Variants in ZDHHC13 observed in about 807,000 individuals in gnomAD.
ZDHHC13 encodes the protein zDHHC palmitoyltransferase 13.
Under a neutral mutation model 86.0 loss-of-function variants are expected in ZDHHC13, and 85 were observed. That is an observed-to-expected ratio of 0.99 (90% CI 0.83 to 1.18). The LOEUF (loss-of-function observed/expected upper bound fraction) is 1.18. Among genes scored for constraint, ZDHHC13 ranks in the 50% most tolerant of loss-of-function variants. The pLI, the probability that ZDHHC13 is intolerant of heterozygous loss-of-function variation, is 0.00. For synonymous variants in ZDHHC13, 263 were observed against 246.4 expected (o/e 1.07, Z -0.63); for missense variants, 711 against 730.2 (o/e 0.97, Z 0.30).
chr11:19,149,188 C>A lies in ZDHHC13; in HGVS notation c.376C>A (p.Gln126Lys). 1 of 1,548,838 alleles carries A rather than the reference C, an allele frequency of 6.5e-7. No homozygotes were observed. Among genetic ancestry groups the A allele is most frequent in the Admixed American group, 1.8e-5 (1 of 55,602 alleles). ...NSTPLHWAIR[Q>K]GHLPMVILLL... ...TGGCTTTTTGTCTTCTATTTGCAGA[C>A]AAGGACATTTACCTATGGTCATATT... Residue 126 changes from glutamine to lysine, a missense_variant and splice_region_variant, in exon 5 of 17, where the codon CAA (glutamine) becomes AAA (lysine). Coordinates refer to ENST00000446113, the MANE Select transcript of ZDHHC13 (RefSeq NM_019028.3).
intron 8 of ZDHHC13, among the ~76,000 whole-genome samples, chr11:19,154,166 C>T (rs187618331): frequency 1.3e-5 from 2 of 152,244 alleles, no homozygotes; most frequent in South Asian, 2.1e-4. Context: ...TCTTCCCCAG[C>T]TAGAATTTAA....
chr11:19,139,909 T>G (rs1849262035), intron 1 of ZDHHC13, among the ~76,000 whole-genome samples: 1 of 136,210 alleles, frequency 7.3e-6, no homozygotes, highest in Non-Finnish European at 1.6e-5. Flanking sequence ...TATACAAAAA[T>G]CAATTCAAGA....
chr11:19,172,897 C>G, intron 16 of ZDHHC13, 77 bp downstream of exon 16: 1 of 1,291,712 alleles, frequency 7.7e-7, no homozygotes, highest in South Asian at 1.5e-5. Context: ...GTGCCACTAC[C>G]CATGGCCATG....
intron 5 of ZDHHC13, among the ~76,000 whole-genome samples, chr11:19,150,505 T>C (rs1849579385): frequency 6.6e-6 from 1 of 152,174 alleles, no homozygotes; most frequent in Non-Finnish European, 1.5e-5. Flanking sequence ...TATAACACTT[T>C]ACATTATATA....
chr11:19,130,012 CAGG>C (rs1471411717), intron 1 of ZDHHC13, among the ~76,000 whole-genome samples: 2 of 151,952 alleles, frequency 1.3e-5, no homozygotes, highest in Non-Finnish European at 2.9e-5. Flanking sequence ...GGTGTGAACC[CAGG>C]AGGCAGAGCT....
At chr11:19,165,676 C>T (rs1850045497) in intron 13 of ZDHHC13, among the ~76,000 whole-genome samples, 1 of 152,226 alleles carries the variant, frequency 6.6e-6, no homozygotes, top group Non-Finnish European at 1.5e-5. Flanking sequence ...GGTTGCCACT[C>T]TTTGCATGTC....
At chr11:19,145,308 G>T (rs1039639364) in intron 2 of ZDHHC13, among the ~76,000 whole-genome samples, 2 of 151,906 alleles carry the variant, frequency 1.3e-5, no homozygotes, top group South Asian at 4.2e-4. Context: ...GGCTCTCATT[G>T]TCTCTCACCT....
chr11:19,131,080 G>A lies in ZDHHC13; in HGVS notation c.28-11898G>A, dbSNP rs193145983. 6.8e-3 allele frequency among the ~76,000 whole-genome samples: 1,034 copies of A among 151,974 alleles called. 7 individuals are homozygous for A. The highest frequency in any genetic ancestry group is 0.024 in the African/African-American group (975 of 41,448). On this transcript the variant is annotated intron_variant, in intron 1 of 16. Coordinates refer to ENST00000446113, the MANE Select transcript of ZDHHC13 (RefSeq NM_019028.3). ...CTCACCCAGGCTGGAGTGCAGTGGC[G>A]CGATCTCGGCTCACTGCAAGCTCCG...
In ZDHHC13 at chr11:19,135,226, G is replaced by A. The variant is rs572354651; in HGVS notation, c.28-7752G>A. 2.6e-3 allele frequency among the ~76,000 whole-genome samples: 392 copies of A among 152,342 alleles called. 7 individuals carry two copies. In the East Asian group the frequency reaches 0.027, roughly 11 times the overall value. ...GTCAGTGGGTGCACGCACGGTGTGC[G>A]AGCCGAAGCAGGGCGAGGCGTTGCC... On this transcript the variant is annotated intron_variant, in intron 1 of 16. Transcript: ENST00000446113.
At chr11:19,155,421 A>G (rs1226642171) in intron 8 of ZDHHC13, among the ~76,000 whole-genome samples, 1 of 152,084 alleles carries the variant, frequency 6.6e-6, no homozygotes, top group Non-Finnish European at 1.5e-5. Flanking sequence ...TCTCTACTAA[A>G]TATACAAAAA....
intron 1 of ZDHHC13, among the ~76,000 whole-genome samples, chr11:19,141,071 A>T (rs1590070677): frequency 6.6e-6 from 1 of 151,852 alleles, no homozygotes; most frequent in East Asian, 1.9e-4. Flanking sequence ...TAGTATAATA[A>T]TAAAAAAAAA....
chr11:19,169,602 A>G, intron 14 of ZDHHC13: 1 of 985,472 alleles, frequency 1.0e-6, no homozygotes, highest in South Asian at 4.7e-5. Context: ...TCTTTTAAAA[A>G]TAATTCACCC....
intron 1 of ZDHHC13, among the ~76,000 whole-genome samples, chr11:19,120,378 A>G (rs969190494): frequency 6.6e-5 from 10 of 152,328 alleles, no homozygotes; most frequent in African/African-American, 2.2e-4. Flanking sequence ...TTCAGTAGAG[A>G]CACCTACACG....
At chr11:19,127,101 TA>T (rs1344682838) in intron 1 of ZDHHC13, among the ~76,000 whole-genome samples, 4 of 152,292 alleles carry the variant, frequency 2.6e-5, no homozygotes, top group African/African-American at 9.6e-5. Context: ...TTTGTCTCTG[TA>T]ACCTTGCCAG....
chr11:19,169,247 T>C (rs2133477366), intron 14 of ZDHHC13: 1 of 985,436 alleles, frequency 1.0e-6, no homozygotes, highest in Non-Finnish European at 1.2e-6. Context: ...TTATATTCTT[T>C]TTTGTGATAT....
At chr11:19,123,902 A>G (rs577685414) in intron 1 of ZDHHC13, among the ~76,000 whole-genome samples, 1 of 152,310 alleles carries the variant, frequency 6.6e-6, no homozygotes, top group African/African-American at 2.4e-5. Flanking sequence ...GATAATATTC[A>G]GTTCTGGGAA....
chr11:19,170,562 CTT>C lies in ZDHHC13; in HGVS notation c.1628_1629del (p.Phe543SerfsTer11). 1.3e-6 allele frequency: 2 copies of C among 1,522,426 alleles called. No homozygotes were observed. Among genetic ancestry groups the C allele is most frequent in the Non-Finnish European group, 1.8e-6 (2 of 1,139,896 alleles). 94.3% of individuals were successfully genotyped at this position (1,522,426 alleles called of 1,614,324 possible). A position where few individuals can be genotyped will look rare whatever the true frequency, so the allele number is the denominator to read the frequency against. ...CAACATTTTTATTATTAAATCAACT[CTT>C]TCAGGTATTTATTTCTCTTCTTATA... ...WSTFLLLNQL[F>X]QIAFLGLTSH... is the part of the protein sequence containing the mutation. On this transcript the variant is annotated frameshift_variant, in exon 15 of 17. Transcript: ENST00000446113. LOFTEE classifies it high-confidence loss of function.
chr11:19,175,778 A>T, intron 16 of ZDHHC13, 44 bp from the exon 17 acceptor site: 1 of 1,597,248 alleles, frequency 6.3e-7, no homozygotes, highest in Non-Finnish European at 8.5e-7. Flanking sequence ...CAAGCTACAC[A>T]GGAAATATAG....
intron 2 of ZDHHC13, among the ~76,000 whole-genome samples, chr11:19,145,527 A>G (rs554903782): frequency 1.3e-5 from 2 of 152,336 alleles, no homozygotes; most frequent in African/African-American, 4.8e-5. Context: ...ATCTTTGCCT[A>G]TTGCGTCTGA....
Sources: gnomAD v4.1 joint callset for allele counts (sites outside exome capture counted in the v4.1 genomes callset) on GRCh38, gnomAD v4.1.1 for gene constraint, MANE v1.5 for transcripts, NCBI Gene and HGNC (gene_info 2026-07-23, HGNC 2026-07-21) for gene names.